The following PALLD variants were observed in gnomAD, a reference collection of about 807,000 sequenced individuals.
PALLD encodes palladin, cytoskeletal associated protein, also known as palladin.
Under a neutral mutation model 123.5 loss-of-function variants are expected in PALLD, and 61 were observed. The ratio of observed to expected loss-of-function variants is 0.49; its 90% CI spans 0.40 to 0.61. The LOEUF is 0.61. Ranked by LOEUF, PALLD falls within the 20% of genes least tolerant of loss-of-function variation. The probability of loss-of-function intolerance (pLI) is 0.00; values close to 1 mark genes in which losing one functional copy is unlikely to be tolerated. For synonymous variants in PALLD, 465 were observed against 496.4 expected (o/e 0.94, Z 0.84); for missense variants, 1,273 against 1,377.0 (o/e 0.92, Z 1.20).
chr4:168,899,241 A>G (rs1300533356), intron 14 of PALLD, among the ~76,000 whole-genome samples: 12 of 152,212 alleles, frequency 7.9e-5, no homozygotes, highest in Non-Finnish European at 1.8e-4. Context: ...ATGCAGGACT[A>G]GGATGACCTG....
chr4:168,670,149 A>G (rs575121054), intron 3 of PALLD, among the ~76,000 whole-genome samples: 5 of 152,364 alleles, frequency 3.3e-5, no homozygotes, highest in African/African-American at 4.8e-5. Flanking sequence ...CTGTCTGCTA[A>G]TGATGATCAG....
chr4:168,732,778 T>C (rs1348126561), intron 10 of PALLD, among the ~76,000 whole-genome samples: 2 of 152,230 alleles, frequency 1.3e-5, no homozygotes, highest in African/African-American at 4.8e-5. Flanking sequence ...AAAATACTTA[T>C]GATACAGATT....
intron 2 of PALLD, among the ~76,000 whole-genome samples, chr4:168,550,385 G>A (rs536466108): frequency 1.5e-4 from 23 of 152,208 alleles, no homozygotes; most frequent in Non-Finnish European, 2.5e-4. Flanking sequence ...GCTCCCCCAG[G>A]CCTACAAGTA....
At chr4:168,748,834 G>A (rs1032294037) in intron 10 of PALLD, among the ~76,000 whole-genome samples, 1 of 152,230 alleles carries the variant, frequency 6.6e-6, no homozygotes, top group East Asian at 1.9e-4. Context: ...TCCAGAGGCA[G>A]TTCACAGTGT....
chr4:168,538,244 T>G (rs992324845), intron 2 of PALLD, among the ~76,000 whole-genome samples: 1 of 152,150 alleles, frequency 6.6e-6, no homozygotes, highest in African/African-American at 2.4e-5. Flanking sequence ...GAAGTATAGA[T>G]CCAGGGAATT....
chr4:168,749,963 T>C (rs1407514946), intron 10 of PALLD, among the ~76,000 whole-genome samples: 1 of 151,684 alleles, frequency 6.6e-6, no homozygotes, highest in Non-Finnish European at 1.5e-5. Context: ...TTTTTTTTTT[T>C]CAAGTTGGAG....
chr4:168,923,586 CT>C (rs11403394), intron 18 of PALLD, among the ~76,000 whole-genome samples: 4 of 149,164 alleles, frequency 2.7e-5, no homozygotes, highest in Non-Finnish European at 3.0e-5. Context: ...CTAAAGTTGT[CT>C]TTTTTTTTTA....
chr4:168,520,120 A>G (rs1028266113), intron 2 of PALLD, among the ~76,000 whole-genome samples: 1 of 151,852 alleles, frequency 6.6e-6, no homozygotes, highest in Non-Finnish European at 1.5e-5. Flanking sequence ...AGGACAGGAG[A>G]TGGAGACCAT....
chr4:168,625,707 C>T (rs997476358), intron 2 of PALLD, among the ~76,000 whole-genome samples: 1 of 151,876 alleles, frequency 6.6e-6, no homozygotes, highest in African/African-American at 2.4e-5. Flanking sequence ...ATCAAAACCC[C>T]AATGAGATAT....
chr4:168,534,410 T>C (rs1764902013), intron 2 of PALLD, among the ~76,000 whole-genome samples: 1 of 152,246 alleles, frequency 6.6e-6, no homozygotes, highest in African/African-American at 2.4e-5. Context: ...TTCAATCATT[T>C]GTCTGTCTTA....
intron 10 of PALLD, among the ~76,000 whole-genome samples, chr4:168,857,034 G>T (rs1430277275): frequency 6.6e-6 from 1 of 152,218 alleles, no homozygotes; most frequent in East Asian, 1.9e-4. Context: ...GAAAAGTTCA[G>T]AAATGAAGAG....
Position 168,801,557 on chromosome 4 carries a change from C to T in PALLD, c.1965-89365C>T, listed in dbSNP as rs548492589. Among the ~76,000 whole-genome samples the T allele has an allele frequency of 4.5e-3, 691 of 152,276 alleles. 1 individual carries two copies. The highest frequency in any genetic ancestry group is 6.8e-3 in the Middle Eastern group (2 of 294). On this transcript the variant is annotated intron_variant, in intron 10 of 21. Coordinates refer to ENST00000505667, the MANE Select transcript of PALLD (RefSeq NM_001166108.2). Reference sequence around the variant, plus strand: ...CCTCCCAAAGTGCTGGGATCACAAGCGTGAGCCACCACGCCCAGCCTGTAA... The same window carrying T: ...CCTCCCAAAGTGCTGGGATCACAAGTGTGAGCCACCACGCCCAGCCTGTAA...
chr4:168,653,609 T>C (rs185351876), intron 2 of PALLD, among the ~76,000 whole-genome samples: 16 of 152,380 alleles, frequency 1.1e-4, no homozygotes, highest in African/African-American at 2.9e-4. Flanking sequence ...TGGGCTCTGA[T>C]AATTAGAACA....
intron 10 of PALLD, among the ~76,000 whole-genome samples, chr4:168,728,877 C>T (rs1786864726): frequency 6.6e-6 from 1 of 152,090 alleles, no homozygotes; most frequent in African/African-American, 2.4e-5. Context: ...CCCCCCAAGG[C>T]CCCAAGGTCC....
At chr4:168,822,871 T>C (rs1415109635) in intron 10 of PALLD, among the ~76,000 whole-genome samples, 2 of 152,172 alleles carry the variant, frequency 1.3e-5, no homozygotes, top group Non-Finnish European at 2.9e-5. Flanking sequence ...TGATTTAGGT[T>C]CACATAGAAT....
chr4:168,875,995 C>T (rs1751691835), intron 10 of PALLD, among the ~76,000 whole-genome samples: 1 of 152,214 alleles, frequency 6.6e-6, no homozygotes, highest in Non-Finnish European at 1.5e-5. Context: ...TAAAACACAG[C>T]TGTGGCTTTG....
intron 8 of PALLD, among the ~76,000 whole-genome samples, chr4:168,699,529 CAA>C (rs5863954): frequency 9.3e-5 from 10 of 107,232 alleles, no homozygotes; most frequent in Non-Finnish European, 1.5e-4. Context: ...GGACTTGGGA[CAA>C]AAAAAAAAAA....
chr4:168,863,714 A>G (rs943951723), intron 10 of PALLD: 1 of 152,240 alleles, frequency 6.6e-6, no homozygotes, highest in Non-Finnish European at 1.5e-5. Context: ...ATTTTTGTAA[A>G]TTCTATAGAT....
At chr4:168,524,811 T>G (rs1763895748) in intron 2 of PALLD, among the ~76,000 whole-genome samples, 1 of 152,178 alleles carries the variant, frequency 6.6e-6, no homozygotes, top group South Asian at 2.1e-4. Flanking sequence ...TTAGTGGTCC[T>G]CATGAGAAAA....
Sources: gnomAD v4.1 joint callset for allele counts (sites outside exome capture counted in the v4.1 genomes callset) on GRCh38, gnomAD v4.1.1 for gene constraint, MANE v1.5 for transcripts, NCBI Gene and HGNC (gene_info 2026-07-23, HGNC 2026-07-21) for gene names.